The following COL25A1 variants were observed in gnomAD, a reference collection of about 807,000 sequenced individuals.
COL25A1 encodes collagen alpha-1(XXV) chain.
A neutral mutation model predicts 128.4 loss-of-function variants in COL25A1; 103 were observed. The observed-to-expected ratio is 0.80, with a 90% CI of 0.68 to 0.94. The LOEUF is 0.94. Ranked by LOEUF, COL25A1 falls within the 40% of genes least tolerant of loss-of-function variation. The pLI, the probability that COL25A1 is intolerant of heterozygous loss-of-function variation, is 0.00. For synonymous variants in COL25A1, 279 were observed against 277.2 expected, an observed-to-expected ratio of 1.01 and a Z score of -0.06; for missense variants, 745 against 840.0, an observed-to-expected ratio of 0.89 and a Z score of 1.40.
intron 3 of COL25A1, among the ~76,000 whole-genome samples, chr4:109,123,290 T>G (rs756888973): frequency 6.6e-6 from 1 of 151,824 alleles, no homozygotes; most frequent in African/African-American, 2.4e-5. Context: ...ATGCCAGTGA[T>G]ACTAGAGTGA....
chr4:108,826,446 G>A (rs1384136815), intron 33 of COL25A1, among the ~76,000 whole-genome samples: 3 of 152,116 alleles, frequency 2.0e-5, no homozygotes, highest in Non-Finnish European at 1.5e-5. Flanking sequence ...GCTGAGGCAG[G>A]AGAATCACTT....
chr4:109,184,473 C>T lies in COL25A1; in HGVS notation c.367+116110G>A, dbSNP rs559343930. ...CGAAGTGTTAGACACCAAGGTAAGA[C>T]GCAAGCCGGCTGCACTGGCTCCTAG... is the stretch of plus-strand genomic sequence containing the variant. On this transcript the variant is annotated intron_variant, in intron 3 of 37. Coordinates refer to ENST00000399132, the MANE Select transcript of COL25A1 (RefSeq NM_198721.4). Among the ~76,000 whole-genome samples the T allele has an allele frequency of 1.2e-4, 19 of 152,240 alleles. No individual in the cohort carries two copies. In the East Asian group the frequency reaches 1.4e-3, roughly 11 times the overall value.
chr4:109,214,550 C>T (rs976579902), intron 3 of COL25A1, among the ~76,000 whole-genome samples: 47 of 152,072 alleles, frequency 3.1e-4, no homozygotes, highest in African/African-American at 1.1e-3. Context: ...TTTAAATATA[C>T]ATTTTTTTAT....
chr4:109,244,692 C>T (rs903143387), intron 3 of COL25A1, among the ~76,000 whole-genome samples: 3 of 152,100 alleles, frequency 2.0e-5, no homozygotes, highest in Non-Finnish European at 2.9e-5. Context: ...GCAGAACTTG[C>T]ACTGCAGTCC....
At chr4:109,237,640 T>TA (rs1779564349) in intron 3 of COL25A1, among the ~76,000 whole-genome samples, 22 of 151,814 alleles carry the variant, frequency 1.4e-4, no homozygotes, top group African/African-American at 4.8e-4. Context: ...TTTTTTGCTT[T>TA]AAAAAATTAT....
chr4:108,963,756 T>C (rs770536516), intron 8 of COL25A1, among the ~76,000 whole-genome samples: 98 of 151,830 alleles, frequency 6.5e-4, no homozygotes, highest in Non-Finnish European at 6.2e-4. Context: ...AAAGCAGCAC[T>C]TGTAAAAATC....
intron 20 of COL25A1, among the ~76,000 whole-genome samples, chr4:108,865,662 G>A (rs1578588445): frequency 6.6e-6 from 1 of 152,168 alleles, no homozygotes; most frequent in Non-Finnish European, 1.5e-5. Context: ...AAGAATTACA[G>A]AATTCTAAAA....
rs559696990 is a variant in COL25A1 at position 109,219,053 on chromosome 4, C to A, written c.367+81530G>T. Among the ~76,000 whole-genome samples, 5 of 152,026 alleles carry A rather than the reference C, an allele frequency of 3.3e-5. No homozygotes were observed. In the South Asian group the frequency reaches 1.0e-3, roughly 32 times the overall value. Reference sequence around the variant, plus strand: ...TAAATTTCTAGGAGTCAGAGCAAACCCATTTAAATTTATATTAATGAGTTA... The same window carrying A: ...TAAATTTCTAGGAGTCAGAGCAAACACATTTAAATTTATATTAATGAGTTA... On this transcript the variant is annotated intron_variant, in intron 3 of 37. Transcript: ENST00000399132.
intron 6 of COL25A1, among the ~76,000 whole-genome samples, chr4:108,976,378 A>G (rs1051449785): frequency 6.6e-6 from 1 of 152,222 alleles, no homozygotes; most frequent in Non-Finnish European, 1.5e-5. Context: ...TACCTTTGTC[A>G]TAAGTTAAGT....
intron 6 of COL25A1, among the ~76,000 whole-genome samples, chr4:108,989,894 T>C (rs1438349578): frequency 6.6e-6 from 1 of 152,054 alleles, no homozygotes; most frequent in Admixed American, 6.6e-5. Context: ...AATTAGCCTA[T>C]CAAGAATTTT....
At chr4:109,253,668 TTAATC>T (rs761592225) in intron 3 of COL25A1, among the ~76,000 whole-genome samples, 21 of 152,324 alleles carry the variant, frequency 1.4e-4, no homozygotes, top group Admixed American at 7.8e-4. Flanking sequence ...AACATTTACT[TTAATC>T]TAACTTTTAC....
At chr4:109,237,290 T>C (rs17040162) in intron 3 of COL25A1, among the ~76,000 whole-genome samples, 10,925 of 152,086 alleles carry the variant, frequency 0.072, 913 homozygotes, top group African/African-American at 0.2. Flanking sequence ...CTCAAATAAA[T>C]GGCACAGCTA....
At chr4:108,901,623 T>C (rs930022137) in intron 13 of COL25A1, among the ~76,000 whole-genome samples, 23 of 152,252 alleles carry the variant, frequency 1.5e-4, no homozygotes, top group Middle Eastern at 3.4e-3. Flanking sequence ...GAAGAACATA[T>C]ACATCTTTGA....
chr4:109,089,933 G>T (rs977285889), intron 3 of COL25A1, among the ~76,000 whole-genome samples: 1 of 151,248 alleles, frequency 6.6e-6, no homozygotes, highest in Non-Finnish European at 1.5e-5. Flanking sequence ...TGCTACATAG[G>T]ACTTTTTTTT....
chr4:108,907,183 T>C (rs951745903), intron 13 of COL25A1, among the ~76,000 whole-genome samples: 3 of 151,846 alleles, frequency 2.0e-5, no homozygotes, highest in Non-Finnish European at 2.9e-5. Context: ...CGAGTGCGAG[T>C]TAGAAGAGGA....
chr4:109,260,889 A>C (rs543279918), intron 3 of COL25A1, among the ~76,000 whole-genome samples: 176 of 152,340 alleles, frequency 1.2e-3, no homozygotes, highest in African/African-American at 4.1e-3. Context: ...GATTTTCAAA[A>C]TTTAGTTTCA....
At chr4:109,029,577 A>T in intron 5 of COL25A1, among the ~76,000 whole-genome samples, 1 of 152,136 alleles carries the variant, frequency 6.6e-6, no homozygotes, top group East Asian at 1.9e-4. Flanking sequence ...GCTAATTTAT[A>T]AGTTAGACTT....
chr4:109,255,982 T>A lies in COL25A1; in HGVS notation c.367+44601A>T, dbSNP rs532323915. ...CAGAGCATACCTAGCTCCCACATCA[T>A]CTGCTCATCAATGCTAATCTCACCT... On this transcript the variant is annotated intron_variant, in intron 3 of 37. Transcript: ENST00000399132. 5.9e-5 allele frequency among the ~76,000 whole-genome samples: 9 copies of A among 152,238 alleles called. No individual in the cohort carries two copies. The South Asian group carries it at 1.0e-3, about 18-fold the overall frequency.
At chr4:109,215,531 G>A (rs1394453065) in intron 3 of COL25A1, among the ~76,000 whole-genome samples, 3 of 152,144 alleles carry the variant, frequency 2.0e-5, no homozygotes, top group African/African-American at 7.2e-5. Flanking sequence ...TAAGATATAA[G>A]TATGTAGAAT....
Sources: gnomAD v4.1 joint callset for allele counts (sites outside exome capture counted in the v4.1 genomes callset) on GRCh38, gnomAD v4.1.1 for gene constraint, MANE v1.5 for transcripts, NCBI Gene and HGNC (gene_info 2026-07-23, HGNC 2026-07-21) for gene names.